Variants in MINK1 observed in about 807,000 individuals in gnomAD.
MINK1 encodes the protein misshapen like kinase 1.
MINK1 carries 46 observed loss-of-function variants against 178.4 expected under a neutral mutation model. The observed-to-expected ratio is 0.26, with a 90% CI of 0.20 to 0.33. The LOEUF (loss-of-function observed/expected upper bound fraction) is 0.33. Ranked by LOEUF, MINK1 falls within the 10% of genes least tolerant of loss-of-function variation. The probability of loss-of-function intolerance (pLI) is 1.00; values close to 1 mark genes in which losing one functional copy is unlikely to be tolerated. For synonymous variants in MINK1, 797 were observed against 709.7 expected (o/e 1.12, Z -1.96); for missense variants, 1,366 against 1,814.9 (o/e 0.75, Z 4.49).
At chr17:4,841,522 C>A (rs78334839) in intron 1 of MINK1, among the ~76,000 whole-genome samples, 8 of 150,726 alleles carry the variant, frequency 5.3e-5, no homozygotes, top group Non-Finnish European at 7.4e-5. Flanking sequence ...CCCACAAAGC[C>A]CCCCCTCCGA....
In MINK1 at chr17:4,881,548, TAATA is replaced by T. The variant is rs200779398; in HGVS notation, c.306+300_306+303del. ...TGTCTCACACTGTGCGATCGGCTCTTAATAAATAAATATAATCCTGGCAAAGGGG... is the reference window on the plus strand; with the variant it reads ...TGTCTCACACTGTGCGATCGGCTCTTAATAAATATAATCCTGGCAAAGGGG... On this transcript the variant is annotated intron_variant, in intron 4 of 31. Transcript: ENST00000355280. Among the ~76,000 whole-genome samples the T allele has an allele frequency of 1.1e-3, 171 of 152,318 alleles. 1 individual carries two copies. In the East Asian group the frequency reaches 0.017, roughly 15 times the overall value.
At position 4,886,890 on chromosome 17, in the gene MINK1, A is replaced by G. The variant is rs542299183; in HGVS notation, c.950-220A>G. Among the ~76,000 whole-genome samples, 1 of 152,320 alleles carries G rather than the reference A, an allele frequency of 6.6e-6. No individual in the cohort carries two copies. Among genetic ancestry groups the G allele is most frequent in the Non-Finnish European group, 1.5e-5 (1 of 68,016 alleles). On this transcript the variant is annotated intron_variant, in intron 10 of 31. Transcript: ENST00000355280. The surrounding 1 kb of genome is among the most constrained non-coding windows in gnomAD (Gnocchi z 6.1). ...CTAAGCACATGTGTGTGCGAGCACA[A>G]GCACAGGCTCTGCCACACCTCAGCT...
Position 4,885,719 on chromosome 17 carries a change from T to C in MINK1, c.639+106T>C. On this transcript the variant is annotated intron_variant, in intron 7 of 31. Transcript: ENST00000355280. The surrounding 1 kb of genome is among the most constrained non-coding windows in gnomAD (Gnocchi z 5.0). ...GGAACAGAGGAAGGTCAGATGATGT[T>C]AGCAGTGAGGGGCTGGGGAACATCT... The C allele has an allele frequency of 6.6e-7, 1 of 1,505,912 alleles. No individual in the cohort carries two copies. The highest frequency in any genetic ancestry group is 1.2e-5 in the South Asian group (1 of 82,540). The allele number at this position is 1,505,912 out of a possible 1,614,324, so 93.3% of individuals were successfully genotyped here. A position where few individuals can be genotyped will look rare whatever the true frequency, so the allele number is the denominator to read the frequency against.
At chr17:4,845,974 A>G (rs368284863) in intron 1 of MINK1, among the ~76,000 whole-genome samples, 3 of 152,230 alleles carry the variant, frequency 2.0e-5, no homozygotes, top group Non-Finnish European at 2.9e-5. Context: ...GATGAATGCA[A>G]TGGCCTCCCT....
Position 4,894,126 on chromosome 17 carries a change from G to A in MINK1, c.2670+33G>A. 6.2e-7 allele frequency: 1 copy of A among 1,608,960 alleles called. No homozygotes were observed. Among genetic ancestry groups the A allele is most frequent in the Non-Finnish European group, 8.5e-7 (1 of 1,176,828 alleles). ...AGCCTCTGCTCCCTCCCCTGTACCT[G>A]TGTGTGCCCTCCTCAGCCCCACGCC... On this transcript the variant is annotated intron_variant, in intron 22 of 31. Transcript: ENST00000355280. The surrounding 1 kb of genome is among the most constrained non-coding windows in gnomAD (Gnocchi z 4.1).
chr17:4,865,295 G>A (rs187529040), intron 1 of MINK1, among the ~76,000 whole-genome samples: 2 of 151,960 alleles, frequency 1.3e-5, no homozygotes, highest in African/African-American at 2.4e-5. Flanking sequence ...TTAGCCGGGT[G>A]TAGTGGTGGG....
chr17:4,886,148 C>A lies in MINK1; in HGVS notation c.723C>A (p.Ala241=). 1 of 1,613,956 alleles carries A rather than the reference C, an allele frequency of 6.2e-7. No homozygotes were observed. Among genetic ancestry groups the A allele is most frequent in the African/African-American group, 1.3e-5 (1 of 75,016 alleles). Residue 241 remains alanine (A), a synonymous_variant, in exon 9 of 32, where the codon GCC becomes GCA. Transcript: ENST00000355280. This position sits in a 1 kb window ranked among gnomAD's most constrained non-coding sequence, Gnocchi z 6.1. ...TGTGTGACATGCACCCCATGCGAGC[C>A]CTCTTCCTCATTCCTCGGAACCCTC... ...PPLCDMHPMR[A]LFLIPRNPPP...
At chr17:4,892,922 G>A (rs1299693837) in intron 19 of MINK1, 57 bp from the exon 20 acceptor site, 1 of 1,467,984 alleles carries the variant, frequency 6.8e-7, no homozygotes, top group African/African-American at 1.4e-5. Context: ...TCAGGGTGTG[G>A]GCTTGAGGCC....
Position 4,867,492 on chromosome 17 carries a change from A to AT in MINK1, c.58-10824dup, listed in dbSNP as rs555432790. Among the ~76,000 whole-genome samples the AT allele has an allele frequency of 3.6e-3, 545 of 152,034 alleles. 2 individuals are homozygous for AT. The highest frequency in any genetic ancestry group is 5.9e-3 in the Non-Finnish European group (399 of 67,962). ...TAGTGAGACCTAGCTCTAAAAAAGA[A>AT]TAATAATTAAAATTTTTAAAAATTG... On this transcript the variant is annotated intron_variant, in intron 1 of 31. Transcript: ENST00000355280.
Position 4,896,620 on chromosome 17 carries a change from C to A in MINK1, c.3775+32C>A, listed in dbSNP as rs911983803. On this transcript the variant is annotated intron_variant, in intron 30 of 31. Transcript: ENST00000355280. This position sits in a 1 kb window ranked among gnomAD's most constrained non-coding sequence, Gnocchi z 4.6. Reference sequence around the variant, plus strand: ...GAGCTGCCGCCCTCCCAGCCACATGCCCCGAGGTGGCCCCGGGGTGCAGCC... The same window carrying A: ...GAGCTGCCGCCCTCCCAGCCACATGACCCGAGGTGGCCCCGGGGTGCAGCC... 6.2e-7 allele frequency: 1 copy of A among 1,612,262 alleles called. No homozygotes were observed. The highest frequency in any genetic ancestry group is 1.7e-5 in the Admixed American group (1 of 59,940).
intron 1 of MINK1, among the ~76,000 whole-genome samples, chr17:4,835,728 G>A (rs55742076): frequency 0.01 from 1,598 of 152,222 alleles, 12 homozygotes; most frequent in Non-Finnish European, 0.018. Context: ...AGCCTCTTTT[G>A]GTAGTTTGGC....
intron 4 of MINK1, among the ~76,000 whole-genome samples, chr17:4,884,028 C>CT (rs1057478222): frequency 0.022 from 2,861 of 131,902 alleles, 112 homozygotes; most frequent in African/African-American, 0.062. Context: ...TCCTTCTCCT[C>CT]TTTTTTTTTT....
Position 4,893,998 on chromosome 17 carries a change from G to A in MINK1, c.2575G>A (p.Asp859Asn). ...RDTPGGRSDGDTDSVSTMVVH... is the reference protein window; with the variant it reads ...RDTPGGRSDGNTDSVSTMVVH... Reference sequence around the variant, plus strand: ...CTTCCTCTCTCACAGCAGCGATGGGGATACAGACAGCGTCAGCACCATGGT... The same window carrying A: ...CTTCCTCTCTCACAGCAGCGATGGGAATACAGACAGCGTCAGCACCATGGT... Residue 859 changes from aspartate to asparagine, a missense_variant, in exon 22 of 32, where the codon GAT becomes AAT. Asp to Asn is a conservative substitution (Grantham distance 23). Around this residue, in one of 14 missense-constraint regions of MINK1, gnomAD observed 709 missense variants for 692.3 expected, o/e 1.02. Coordinates refer to ENST00000355280, the MANE Select transcript of MINK1 (RefSeq NM_153827.5). The A allele has an allele frequency of 6.3e-7, 1 of 1,584,764 alleles. No individual in the cohort carries two copies. Among genetic ancestry groups the A allele is most frequent in the Non-Finnish European group, 8.6e-7 (1 of 1,165,576 alleles).
chr17:4,834,708 T>G, intron 1 of MINK1: 3 of 518,206 alleles, frequency 5.8e-6, no homozygotes, highest in Non-Finnish European at 1.2e-5. Flanking sequence ...CCAGGTGGTG[T>G]TTTGATCCTG....
rs1039461172 is a variant in MINK1 at position 4,894,375 on chromosome 17, G to A, written c.2808+64G>A. On this transcript the variant is annotated intron_variant, in intron 23 of 31. Transcript: ENST00000355280. The surrounding 1 kb of genome is among the most constrained non-coding windows in gnomAD (Gnocchi z 4.1). Reference sequence around the variant, plus strand: ...CCCTGGCGATGGGCAGGAGGTCCCGGTGCTGGGTAACGGCAGAGGATGGGG... The same window carrying A: ...CCCTGGCGATGGGCAGGAGGTCCCGATGCTGGGTAACGGCAGAGGATGGGG... 3 of 1,573,230 alleles carry A rather than the reference G, an allele frequency of 1.9e-6. No homozygotes were observed. Among genetic ancestry groups the A allele is most frequent in the Admixed American group, 1.9e-5 (1 of 53,348 alleles).
At position 4,890,213 on chromosome 17, in the gene MINK1, G is replaced by A. The variant is rs567069624; in HGVS notation, c.1348-304G>A. On this transcript the variant is annotated intron_variant, in intron 13 of 31. Coordinates refer to ENST00000355280, the MANE Select transcript of MINK1 (RefSeq NM_153827.5). ...CCCTCTGCCCCCCACCCCACACCCC[G>A]TCCCCCAGGAATATATTCGTCACAG... The A allele has an allele frequency of 4.4e-3, 702 of 161,360 alleles. 6 individuals are homozygous for A. Among genetic ancestry groups the A allele is most frequent in the African/African-American group, 0.026 (555 of 21,068 alleles). 10.0% of individuals were successfully genotyped at this position (161,360 alleles called of 1,614,324 possible).
At chr17:4,868,492 A>T (rs2150931043) in intron 1 of MINK1, among the ~76,000 whole-genome samples, 1 of 152,108 alleles carries the variant, frequency 6.6e-6, no homozygotes, top group African/African-American at 2.4e-5. Flanking sequence ...GTCTCCATAT[A>T]TGAGAGAGTC....
chr17:4,839,939 ATG>A (rs34473686), intron 1 of MINK1, among the ~76,000 whole-genome samples: 32,883 of 140,830 alleles, frequency 0.23, 4,222 homozygotes, highest in Non-Finnish European at 0.31. Flanking sequence ...TTATTTATTA[ATG>A]TGTGTGTGTG....
chr17:4,884,296 T>G, intron 4 of MINK1, 67 bp from the exon 5 acceptor site: 1 of 1,248,032 alleles, frequency 8.0e-7, no homozygotes, highest in Non-Finnish European at 1.2e-6. Flanking sequence ...TAGCAGGGGA[T>G]TGGGGCAGGG....
Sources: allele counts gnomAD v4.1 joint callset (sites outside exome capture counted in the v4.1 genomes callset), GRCh38; gene constraint gnomAD v4.1.1; regional missense constraint gnomAD v4.1.1; non-coding constraint Gnocchi (gnomAD v3.1); transcripts MANE v1.5; gene names NCBI Gene and HGNC (gene_info 2026-07-23, HGNC 2026-07-21).